PPP2R2C: variants seen among roughly 807,000 people sequenced by gnomAD.
The protein encoded by PPP2R2C is protein phosphatase 2, regulatory subunit B, gamma.
In PPP2R2C, 10 loss-of-function variants were observed where a neutral mutation model predicts 45.3. The observed-to-expected ratio is 0.22, with a 90% CI of 0.14 to 0.37. The LOEUF is 0.37. Ranked by LOEUF, PPP2R2C falls within the 10% of genes least tolerant of loss-of-function variation. The probability of loss-of-function intolerance (pLI) is 1.00; values close to 1 mark genes in which losing one functional copy is unlikely to be tolerated. For missense variants in PPP2R2C, 308 were observed against 619.7 expected, an observed-to-expected ratio of 0.50 and a Z score of 5.34; for synonymous variants, 257 against 245.4, an observed-to-expected ratio of 1.05 and a Z score of -0.44.
chr4:6,485,889 A>G lies in PPP2R2C; in HGVS notation c.49+49382T>C, dbSNP rs112573407. Among the ~76,000 whole-genome samples, 315 of 151,916 alleles carry G rather than the reference A, an allele frequency of 2.1e-3. 1 individual carries two copies. The highest frequency in any genetic ancestry group is 7.0e-3 in the African/African-American group (289 of 41,518). On this transcript the variant is annotated intron_variant, in intron 2 of 9. Transcript: ENST00000506140. ...ATTGTTTTTATTTTATATTTAGCCA[A>G]TTTCTCTTCTGGTCCTTACTATTTC...
chr4:6,333,266 G>A (rs1052976505), intron 7 of PPP2R2C, among the ~76,000 whole-genome samples: 10 of 152,344 alleles, frequency 6.6e-5, no homozygotes, highest in Admixed American at 5.9e-4. Context: ...CTGGGGCCCA[G>A]CCTGACGCTC....
intron 2 of PPP2R2C, among the ~76,000 whole-genome samples, chr4:6,527,453 C>T (rs1724250374): frequency 6.7e-6 from 1 of 150,098 alleles, no homozygotes; most frequent in Admixed American, 6.7e-5. Context: ...CACCTCCCTG[C>T]CATGCAGCCT....
Position 6,472,479 on chromosome 4 carries a change from C to T in PPP2R2C, c.-250G>A, listed in dbSNP as rs963363078. ...GGCGGGCCGGGGCCCAGGCGCGCAT[C>T]CCGGCCGGCCCGTGCGCGCTGCGTC... On this transcript the variant is annotated 5_prime_UTR_variant, in exon 1 of 9. Coordinates refer to ENST00000382599, the MANE Select transcript of PPP2R2C (RefSeq NM_020416.4). 3 of 222,642 alleles carry T rather than the reference C, an allele frequency of 1.3e-5. No homozygotes were observed. Among genetic ancestry groups the T allele is most frequent in the African/African-American group, 7.1e-5 (3 of 42,232 alleles). 13.8% of individuals were successfully genotyped at this position (222,642 alleles called of 1,614,324 possible). A position where few individuals can be genotyped will look rare whatever the true frequency, so the allele number is the denominator to read the frequency against.
At chr4:6,349,016 C>G (rs560361355) in intron 5 of PPP2R2C, 4 of 985,170 alleles carry the variant, frequency 4.1e-6, no homozygotes, top group South Asian at 4.7e-5. Flanking sequence ...ACAACCTCCC[C>G]GGCCCCAGCA....
intron 1 of PPP2R2C, among the ~76,000 whole-genome samples, chr4:6,558,079 G>A (rs866851980): frequency 9.9e-5 from 15 of 152,168 alleles, no homozygotes; most frequent in Admixed American, 2.6e-4. Flanking sequence ...AGCCCCTGGC[G>A]GTGAGACTTG....
intron 2 of PPP2R2C, among the ~76,000 whole-genome samples, chr4:6,520,241 G>A (rs1164010474): frequency 1.3e-5 from 2 of 152,144 alleles, no homozygotes; most frequent in Admixed American, 1.3e-4. Flanking sequence ...GAGGAGGAGG[G>A]AGGCACGGAG....
chr4:6,381,568 C>T, intron 1 of PPP2R2C: 1 of 1,423,338 alleles, frequency 7.0e-7, no homozygotes, highest in Non-Finnish European at 9.2e-7. Context: ...TCAGGGCTTC[C>T]CACACAGTAG....
chr4:6,416,508 G>C (rs905188084), intron 1 of PPP2R2C, among the ~76,000 whole-genome samples: 1 of 152,142 alleles, frequency 6.6e-6, no homozygotes, highest in Non-Finnish European at 1.5e-5. Context: ...CTCCAGCACT[G>C]CCTACCCCAT....
intron 2 of PPP2R2C, among the ~76,000 whole-genome samples, chr4:6,494,848 G>A (rs1722825269): frequency 6.6e-6 from 1 of 152,208 alleles, no homozygotes; most frequent in Non-Finnish European, 1.5e-5. Context: ...TGGAAGCAAG[G>A]GGAAACCTGA....
chr4:6,385,659 T>G (rs1352633414), intron 1 of PPP2R2C, among the ~76,000 whole-genome samples: 1 of 152,100 alleles, frequency 6.6e-6, no homozygotes, highest in African/African-American at 2.4e-5. Context: ...AACCTGTACC[T>G]CCTAGGTTCA....
chr4:6,554,955 GAA>G (rs368400246), intron 1 of PPP2R2C, among the ~76,000 whole-genome samples: 2,881 of 130,926 alleles, frequency 0.022, 65 homozygotes, highest in African/African-American at 0.052. Flanking sequence ...AAGAAAGAAA[GAA>G]AGAAAGAAAG....
intron 1 of PPP2R2C, among the ~76,000 whole-genome samples, chr4:6,408,626 G>A (rs917026488): frequency 1.2e-4 from 18 of 152,180 alleles, no homozygotes; most frequent in African/African-American, 3.6e-4. Flanking sequence ...CAATTACAGT[G>A]GGCTTGATTA....
intron 1 of PPP2R2C, chr4:6,413,886 C>T: frequency 6.5e-7 from 1 of 1,536,080 alleles, no homozygotes. Flanking sequence ...TCATGATGCC[C>T]CACAGCCCCT....
At chr4:6,398,311 T>C (rs577692937) in intron 1 of PPP2R2C, among the ~76,000 whole-genome samples, 1 of 138,660 alleles carries the variant, frequency 7.2e-6, no homozygotes, top group Non-Finnish European at 1.6e-5. Context: ...GAAAAGAAAA[T>C]GGCAAGGCAT....
At chr4:6,426,006 C>T (rs1719277057) in intron 1 of PPP2R2C, among the ~76,000 whole-genome samples, 1 of 152,146 alleles carries the variant, frequency 6.6e-6, no homozygotes, top group African/African-American at 2.4e-5. Context: ...GAGCCTGTTC[C>T]TGGGTACAGG....
chr4:6,532,860 G>T (rs2108824026), intron 2 of PPP2R2C, among the ~76,000 whole-genome samples: 1 of 152,340 alleles, frequency 6.6e-6, no homozygotes, highest in Admixed American at 6.5e-5. Flanking sequence ...GCACCGGGGG[G>T]CCAGGTATCT....
At chr4:6,467,140 G>C (rs1721639854) in intron 1 of PPP2R2C, among the ~76,000 whole-genome samples, 1 of 152,194 alleles carries the variant, frequency 6.6e-6, no homozygotes, top group African/African-American at 2.4e-5. Context: ...GCTTATGTAA[G>C]TGGCGTTTCC....
At chr4:6,361,740 G>A (rs1713753380) in intron 5 of PPP2R2C, among the ~76,000 whole-genome samples, 1 of 152,318 alleles carries the variant, frequency 6.6e-6, no homozygotes, top group African/African-American at 2.4e-5. Flanking sequence ...ACTGAGAGGG[G>A]GAATCCAAGG....
At chr4:6,395,802 G>A (rs1293009046) in intron 1 of PPP2R2C, among the ~76,000 whole-genome samples, 1 of 152,164 alleles carries the variant, frequency 6.6e-6, no homozygotes, top group Non-Finnish European at 1.5e-5. Context: ...GATCTCCTGA[G>A]GACCCTCTTT....
Sources: gnomAD v4.1 joint callset for allele counts (sites outside exome capture counted in the v4.1 genomes callset) on GRCh38, gnomAD v4.1.1 for gene constraint, MANE v1.5 for transcripts, NCBI Gene and HGNC (gene_info 2026-07-23, HGNC 2026-07-21) for gene names.